DNAH14: variants seen among roughly 807,000 people sequenced by gnomAD.
DNAH14 encodes axonemal beta dynein heavy chain 14.
Under a neutral mutation model 520.9 loss-of-function variants are expected in DNAH14, and 478 were observed. The ratio of observed to expected loss-of-function variants is 0.92; its 90% CI spans 0.85 to 0.99. DNAH14 has a LOEUF of 0.99. DNAH14 is among the 50% of genes least tolerant of loss of function. The pLI, the probability that DNAH14 is intolerant of heterozygous loss-of-function variation, is 0.00. For missense variants in DNAH14, 4,831 were observed against 5,234.5 expected (o/e 0.92, Z 2.38); for synonymous variants, 1,581 against 1,757.2 (o/e 0.90, Z 2.51).
chr1:225,085,818 T>G, intron 21 of DNAH14, 29 bp downstream of exon 21: 2 of 1,488,162 alleles, frequency 1.3e-6, no homozygotes, highest in South Asian at 1.4e-5. Context: ...GAAAAATGTT[T>G]TCTTTTTCTG....
intron 67 of DNAH14, among the ~76,000 whole-genome samples, 174 bp from the exon 68 acceptor site, chr1:225,337,887 T>G (rs2095093780): frequency 6.6e-6 from 1 of 152,186 alleles, no homozygotes; most frequent in African/African-American, 2.4e-5. Flanking sequence ...CTCTTAGTTA[T>G]TTTTAAATGT....
At chr1:225,236,221 T>A (rs2091566805) in intron 42 of DNAH14, among the ~76,000 whole-genome samples, 1 of 152,218 alleles carries the variant, frequency 6.6e-6, no homozygotes, top group Non-Finnish European at 1.5e-5. Context: ...TTCTGGTACA[T>A]TATCTGTTTG....
chr1:224,932,415 A>C (rs745848582), intron 1 of DNAH14, among the ~76,000 whole-genome samples: 86 of 150,266 alleles, frequency 5.7e-4, no homozygotes, highest in Admixed American at 2.0e-4. Context: ...CTGTTTTTTC[A>C]CTCTGTTGAT....
At chr1:225,188,332 A>C (rs1022748688) in intron 37 of DNAH14, among the ~76,000 whole-genome samples, 1 of 151,920 alleles carries the variant, frequency 6.6e-6, no homozygotes, top group Non-Finnish European at 1.5e-5. Context: ...TATCATCATC[A>C]CAAGAAGAGT....
intron 8 of DNAH14, among the ~76,000 whole-genome samples, chr1:224,976,373 C>T (rs1455803037): frequency 2.0e-5 from 3 of 151,826 alleles, no homozygotes; most frequent in Non-Finnish European, 4.4e-5. Flanking sequence ...GTCTCTACAA[C>T]CATAAAAACC....
At chr1:225,023,364 C>CTT (rs373448459) in intron 10 of DNAH14, among the ~76,000 whole-genome samples, 5 of 144,852 alleles carry the variant, frequency 3.5e-5, no homozygotes, top group African/African-American at 1.3e-4. Context: ...TCTCCTCTGT[C>CTT]TTTTTTTTTT....
chr1:225,276,969 GGA>G (rs1396039240), intron 53 of DNAH14, among the ~76,000 whole-genome samples: 7 of 56,502 alleles, frequency 1.2e-4, no homozygotes, highest in Admixed American at 5.1e-4. Context: ...AAGGAAGGAA[GGA>G]AGGAAGGAAG....
chr1:225,341,293 A>G (rs1409533793), intron 69 of DNAH14, among the ~76,000 whole-genome samples: 2 of 152,138 alleles, frequency 1.3e-5, no homozygotes, highest in Non-Finnish European at 2.9e-5. Flanking sequence ...ATATTTTTAA[A>G]GAAAATAATC....
intron 54 of DNAH14, among the ~76,000 whole-genome samples, chr1:225,288,042 G>T (rs1006623169): frequency 7.9e-5 from 12 of 152,074 alleles, no homozygotes; most frequent in Non-Finnish European, 1.3e-4. Flanking sequence ...CATAATGTAC[G>T]TAGGTAGTCT....
intron 17 of DNAH14, among the ~76,000 whole-genome samples, chr1:225,057,697 T>G (rs1419614658): frequency 6.6e-6 from 1 of 152,178 alleles, no homozygotes. Context: ...TTTTGAGATA[T>G]GTCCCATCAA....
chr1:225,070,349 A>G (rs2071414128), intron 17 of DNAH14, among the ~76,000 whole-genome samples: 1 of 152,192 alleles, frequency 6.6e-6, no homozygotes, highest in Non-Finnish European at 1.5e-5. Flanking sequence ...ATTTAGTGCT[A>G]TAAATTTTCC....
chr1:225,062,138 A>C (rs893073077), intron 17 of DNAH14, among the ~76,000 whole-genome samples: 1 of 61,432 alleles, frequency 1.6e-5, no homozygotes, highest in Non-Finnish European at 6.9e-5. Flanking sequence ...ATCTCTACAA[A>C]AAATGCAAAA....
intron 78 of DNAH14, among the ~76,000 whole-genome samples, chr1:225,377,023 T>C (rs751169326): frequency 2.0e-5 from 3 of 152,044 alleles, no homozygotes; most frequent in Non-Finnish European, 4.4e-5. Context: ...ATGCATATCA[T>C]ATGCACATTA....
At chr1:225,345,069 G>A (rs921720593) in intron 69 of DNAH14, among the ~76,000 whole-genome samples, 1 of 152,062 alleles carries the variant, frequency 6.6e-6, no homozygotes, top group African/African-American at 2.4e-5. Context: ...GCCCAAACTC[G>A]GTGGGAAATG....
chr1:225,267,292 CTTT>C (rs776025994), intron 49 of DNAH14, among the ~76,000 whole-genome samples: 7 of 131,360 alleles, frequency 5.3e-5, no homozygotes, highest in African/African-American at 1.9e-4. Flanking sequence ...GAATGGCTTC[CTTT>C]TTTTTTTTTT....
Position 225,289,904 on chromosome 1 carries a change from G to A in DNAH14, c.8291G>A (p.Gly2764Glu). 7.0e-7 allele frequency: 1 copy of A among 1,426,742 alleles called. No individual in the cohort carries two copies. Among genetic ancestry groups the A allele is most frequent in the East Asian group, 2.6e-5 (1 of 37,758 alleles). 88.4% of individuals were successfully genotyped at this position (1,426,742 alleles called of 1,614,324 possible). The change falls in exon 55 of 86, where the codon GGG becomes GAG. Residue 2764 changes from glycine to glutamate, a missense_variant. Gly to Glu is a moderately conservative substitution (Grantham distance 98). Transcript: ENST00000682510. Reference protein sequence around the residue: ...HMLLIGIDGCGKKTCATLACY... With the variant: ...HMLLIGIDGCEKKTCATLACY... ...CCAAAGATTGGAATAGATGGATGTG[G>A]GAAAAAAACATGTGCAACCTTGGCC...
intron 66 of DNAH14, among the ~76,000 whole-genome samples, chr1:225,334,723 A>G (rs1413710838): frequency 6.6e-6 from 1 of 151,844 alleles, no homozygotes; most frequent in Non-Finnish European, 1.5e-5. Flanking sequence ...ATGATTGCAC[A>G]TGCACAATGG....
At chr1:225,048,931 T>C (rs780684708) in intron 15 of DNAH14, among the ~76,000 whole-genome samples, 1 of 152,154 alleles carries the variant, frequency 6.6e-6, no homozygotes, top group African/African-American at 2.4e-5. Flanking sequence ...TGTAGTGATA[T>C]CTTATTGTGG....
At chr1:225,147,794 C>T (rs61849835) in intron 31 of DNAH14, among the ~76,000 whole-genome samples, 2 of 152,162 alleles carry the variant, frequency 1.3e-5, no homozygotes, top group African/African-American at 4.8e-5. Flanking sequence ...TCCCACCTTC[C>T]ACCCTCCAGT....
Sources: gnomAD v4.1 joint callset for allele counts (sites outside exome capture counted in the v4.1 genomes callset) on GRCh38, gnomAD v4.1.1 for gene constraint, MANE v1.5 for transcripts, NCBI Gene and HGNC (gene_info 2026-07-23, HGNC 2026-07-21) for gene names.